The following RSU1 variants were observed in gnomAD, a reference collection of about 807,000 sequenced individuals.
The protein encoded by RSU1 is Ras suppressor protein 1, also known as rsu-1.
In RSU1, 26 loss-of-function variants were observed where a neutral mutation model predicts 31.1. The ratio of observed to expected loss-of-function variants is 0.84; its 90% CI spans 0.61 to 1.16. RSU1 has a LOEUF of 1.16. Among genes scored for constraint, RSU1 ranks in the 50% most tolerant of loss-of-function variants. RSU1 has a pLI of 0.00. For missense variants in RSU1, 320 were observed against 339.1 expected, an observed-to-expected ratio of 0.94 and a Z score of 0.44; for synonymous variants, 164 against 136.3, an observed-to-expected ratio of 1.20 and a Z score of -1.41.
intron 7 of RSU1, among the ~76,000 whole-genome samples, chr10:16,724,970 A>T (rs1023963550): frequency 6.6e-6 from 1 of 152,218 alleles, no homozygotes; most frequent in African/African-American, 2.4e-5. Flanking sequence ...AGCAAAAGTC[A>T]ATGATATTAG....
At chr10:16,661,287 C>CGTGTGTGT (rs56675037) in intron 8 of RSU1, among the ~76,000 whole-genome samples, 1,478 of 132,888 alleles carry the variant, frequency 0.011, 24 homozygotes, top group South Asian at 0.042. Flanking sequence ...GTAGAGAGTG[C>CGTGTGTGT]GTGTGTGTGT....
intron 2 of RSU1, among the ~76,000 whole-genome samples, chr10:16,785,526 A>ATAC (rs1240281059): frequency 7.1e-6 from 1 of 141,798 alleles, no homozygotes; most frequent in East Asian, 2.0e-4. Context: ...ATATATATAT[A>ATAC]ATATTAGTTC....
chr10:16,691,431 A>G (rs1489919013), intron 8 of RSU1, among the ~76,000 whole-genome samples: 1 of 149,738 alleles, frequency 6.7e-6, no homozygotes, highest in Non-Finnish European at 1.5e-5. Flanking sequence ...CTTATCAGCT[A>G]ACAGTCCATA....
At chr10:16,713,640 G>A (rs1352672823) in intron 7 of RSU1, among the ~76,000 whole-genome samples, 1 of 152,140 alleles carries the variant, frequency 6.6e-6, no homozygotes, top group African/African-American at 2.4e-5. Context: ...GTATCTCCAT[G>A]AGTTTCCTTA....
chr10:16,699,718 G>C (rs902659177), intron 7 of RSU1, among the ~76,000 whole-genome samples: 1 of 152,190 alleles, frequency 6.6e-6, no homozygotes, highest in Non-Finnish European at 1.5e-5. Context: ...CTACAGACAC[G>C]CTGGCTGGCT....
chr10:16,614,703 A>G (rs891704773), intron 8 of RSU1, among the ~76,000 whole-genome samples: 12 of 152,196 alleles, frequency 7.9e-5, no homozygotes, highest in Admixed American at 7.9e-4. Flanking sequence ...TATGCACCAG[A>G]AGACAAAAAG....
At chr10:16,679,516 G>C (rs572013737) in intron 8 of RSU1, among the ~76,000 whole-genome samples, 9 of 152,270 alleles carry the variant, frequency 5.9e-5, no homozygotes, top group African/African-American at 2.2e-4. Flanking sequence ...ATGGGCAGTA[G>C]GGAAACCTTC....
chr10:16,693,965 T>C (rs1391154514), intron 8 of RSU1, among the ~76,000 whole-genome samples: 1 of 152,174 alleles, frequency 6.6e-6, no homozygotes, highest in Non-Finnish European at 1.5e-5. Context: ...TTTTTGTATA[T>C]GCTTAAAATT....
chr10:16,645,732 G>A (rs556167742), intron 8 of RSU1, among the ~76,000 whole-genome samples: 1 of 150,874 alleles, frequency 6.6e-6, no homozygotes, highest in East Asian at 2.0e-4. Flanking sequence ...ACTTGAACTC[G>A]GGAGGCGGAG....
chr10:16,659,102 A>C (rs1452179424), intron 8 of RSU1, among the ~76,000 whole-genome samples: 1 of 152,150 alleles, frequency 6.6e-6, no homozygotes, highest in Non-Finnish European at 1.5e-5. Flanking sequence ...AATGTTTTAG[A>C]TACTAATCGG....
chr10:16,616,725 TA>T (rs1199335218), intron 8 of RSU1, among the ~76,000 whole-genome samples: 1 of 152,162 alleles, frequency 6.6e-6, no homozygotes, highest in African/African-American at 2.4e-5. Context: ...CGCAAATCAA[TA>T]AAAGTAATCC....
intron 8 of RSU1, among the ~76,000 whole-genome samples, chr10:16,599,990 C>T (rs1455933296): frequency 6.6e-6 from 1 of 152,130 alleles, no homozygotes; most frequent in African/African-American, 2.4e-5. Context: ...TGACATGGAA[C>T]CCTAGAGCAT....
intron 7 of RSU1, among the ~76,000 whole-genome samples, chr10:16,715,114 A>G (rs1474784904): frequency 6.6e-6 from 1 of 152,202 alleles, no homozygotes; most frequent in Non-Finnish European, 1.5e-5. Flanking sequence ...CACCACAGGA[A>G]GTTTGCTGCT....
chr10:16,764,320 C>T (rs1264728260), intron 4 of RSU1, 70 bp downstream of exon 4: 2 of 1,469,132 alleles, frequency 1.4e-6, no homozygotes, highest in Non-Finnish European at 9.1e-7. Flanking sequence ...AGGAATCCCT[C>T]CCCTGGCCTT....
chr10:16,796,617 A>G (rs1419234936), intron 2 of RSU1, among the ~76,000 whole-genome samples: 3 of 152,230 alleles, frequency 2.0e-5, no homozygotes, highest in African/African-American at 7.2e-5. Flanking sequence ...GTTCATCACA[A>G]TGATCATTTT....
At chr10:16,708,409 TTTCAG>T (rs1835948521) in intron 7 of RSU1, among the ~76,000 whole-genome samples, 1 of 152,130 alleles carries the variant, frequency 6.6e-6, no homozygotes, top group South Asian at 2.1e-4. Flanking sequence ...TGTCTTGCTG[TTTCAG>T]GGGTGGCAGA....
intron 7 of RSU1, among the ~76,000 whole-genome samples, chr10:16,706,956 TG>T (rs1835916973): frequency 6.6e-6 from 1 of 151,822 alleles, no homozygotes; most frequent in Non-Finnish European, 1.5e-5. Flanking sequence ...CTGTTTTTGT[TG>T]TTGTTAAGAA....
chr10:16,758,481 A>G (rs1564346684), intron 4 of RSU1, among the ~76,000 whole-genome samples: 1 of 152,172 alleles, frequency 6.6e-6, no homozygotes, highest in Admixed American at 6.5e-5. Flanking sequence ...CGGTAGGAAA[A>G]GTATGGAGCT....
chr10:16,682,882 T>C (rs1835358465), intron 8 of RSU1, among the ~76,000 whole-genome samples: 1 of 152,096 alleles, frequency 6.6e-6, no homozygotes, highest in African/African-American at 2.4e-5. Flanking sequence ...GCACATGCCC[T>C]CCTTATGAGT....
Sources: allele counts gnomAD v4.1 joint callset (sites outside exome capture counted in the v4.1 genomes callset), GRCh38; gene constraint gnomAD v4.1.1; transcripts MANE v1.5; gene names NCBI Gene and HGNC (gene_info 2026-07-23, HGNC 2026-07-21).